MAK: variants seen among roughly 807,000 people sequenced by gnomAD.
MAK encodes the protein serine/threonine-protein kinase MAK.
In MAK, 65 loss-of-function variants were observed where a neutral mutation model predicts 82.6. That is an observed-to-expected ratio of 0.79 (90% CI 0.64 to 0.97). The LOEUF is 0.97. Ranked by LOEUF, MAK falls within the 50% of genes least tolerant of loss-of-function variation. The pLI, the probability that MAK is intolerant of heterozygous loss-of-function variation, is 0.00. For missense variants in MAK, 703 were observed against 780.2 expected (o/e 0.90, Z 1.18); for synonymous variants, 250 against 274.2 (o/e 0.91, Z 0.87).
Position 10,818,892 on chromosome 6 carries a change from TTC to T in MAK, c.148_149del (p.Glu50SerfsTer2). The part of the protein sequence containing the change: ...YSWDECMNLR[E>X]VKSLKKLNHA... ...TTCATCTTTAGGATTTTACCTTAACTTCTCTCAAGTTCATGCATTCATCCCAA... is the reference window on the plus strand; with the variant it reads ...TTCATCTTTAGGATTTTACCTTAACTTCTCAAGTTCATGCATTCATCCCAA... On this transcript the variant is annotated frameshift_variant, in exon 3 of 15. Transcript: ENST00000354489. LOFTEE classifies it high-confidence loss of function. The T allele has an allele frequency of 6.3e-7, 1 of 1,580,492 alleles. No homozygotes were observed. Among genetic ancestry groups the T allele is most frequent in the Non-Finnish European group, 8.7e-7 (1 of 1,150,156 alleles).
In MAK at chr6:10,793,678, C is replaced by T. The variant is rs149827432; in HGVS notation, c.1144-1831G>A. Reference sequence around the variant, plus strand: ...CACCTATATAAAAATGTGTGTGTGGCGGGGCTGGGGGCTAGGTTATTCTCT... The same window carrying T: ...CACCTATATAAAAATGTGTGTGTGGTGGGGCTGGGGGCTAGGTTATTCTCT... On this transcript the variant is annotated intron_variant, in intron 9 of 14. Transcript: ENST00000354489. This position sits in a 1 kb window ranked among gnomAD's most constrained non-coding sequence, Gnocchi z 4.6. 6.7e-3 allele frequency among the ~76,000 whole-genome samples: 1,024 copies of T among 152,000 alleles called. 8 individuals are homozygous for T. Among genetic ancestry groups the T allele is most frequent in the Middle Eastern group, 0.014 (4 of 292 alleles).
chr6:10,792,601 T>A (rs1036394139), intron 9 of MAK, among the ~76,000 whole-genome samples: 2 of 152,130 alleles, frequency 1.3e-5, no homozygotes, highest in African/African-American at 4.8e-5. Flanking sequence ...ACACAATGAA[T>A]TGGTTTTATA....
At chr6:10,787,578 G>A (rs1484908367) in intron 10 of MAK, among the ~76,000 whole-genome samples, 1 of 152,196 alleles carries the variant, frequency 6.6e-6, no homozygotes, top group African/African-American at 2.4e-5. Flanking sequence ...AGAAGAAATG[G>A]CTGGGCGCAG....
At chr6:10,815,944 A>ATATATATG (rs1777464452) in intron 4 of MAK, among the ~76,000 whole-genome samples, 1 of 104,264 alleles carries the variant, frequency 9.6e-6, no homozygotes, top group Non-Finnish European at 2.1e-5. Flanking sequence ...ATATATATAT[A>ATATATATG]TATGTATGTT....
Position 10,830,828 on chromosome 6 carries a change from A to T in MAK, c.-180T>A, listed in dbSNP as rs1778761831. The T allele has an allele frequency of 3.1e-6, 2 of 646,576 alleles. No homozygotes were observed. The highest frequency in any genetic ancestry group is 5.7e-6 in the Non-Finnish European group (2 of 353,108). 40.1% of individuals were successfully genotyped at this position (646,576 alleles called of 1,614,324 possible). On this transcript the variant is annotated 5_prime_UTR_variant, in exon 2 of 15. Coordinates refer to ENST00000354489, the MANE Select transcript of MAK (RefSeq NM_001242957.3). ...AAGATTACAGAGGTTCATGAGATAT[A>T]GCATGAAGGAATCGGGCAAGGAAAC...
intron 14 of MAK, among the ~76,000 whole-genome samples, chr6:10,768,261 G>T (rs1772650984): frequency 6.6e-6 from 1 of 152,050 alleles, no homozygotes; most frequent in South Asian, 2.1e-4. Context: ...GAAACATTAT[G>T]ATTTTCTGCC....
chr6:10,775,481 C>T (rs1267179521), intron 11 of MAK, 22 bp from the exon 12 acceptor site: 6 of 1,610,248 alleles, frequency 3.7e-6, no homozygotes, highest in Non-Finnish European at 4.2e-6. Context: ...AAAACAACCA[C>T]TTCAAAGGTT....
chr6:10,811,830 A>G (rs1776956017), intron 5 of MAK, among the ~76,000 whole-genome samples: 1 of 152,164 alleles, frequency 6.6e-6, no homozygotes, highest in African/African-American at 2.4e-5. Context: ...AAATATTTAT[A>G]TGGAATCCTG....
chr6:10,826,129 C>G (rs1010092009), intron 2 of MAK, among the ~76,000 whole-genome samples: 1 of 152,194 alleles, frequency 6.6e-6, no homozygotes, highest in Non-Finnish European at 1.5e-5. Context: ...GTAATCCACG[C>G]TCCAGCCACC....
chr6:10,822,322 C>T (rs1180745977), intron 2 of MAK, among the ~76,000 whole-genome samples: 6 of 151,688 alleles, frequency 4.0e-5, no homozygotes, highest in African/African-American at 7.3e-5. Flanking sequence ...GGCATGGTGG[C>T]GCATGCCTAT....
chr6:10,770,974 AT>A (rs1350181792), intron 13 of MAK, among the ~76,000 whole-genome samples: 1 of 151,388 alleles, frequency 6.6e-6, no homozygotes, highest in African/African-American at 2.4e-5. Flanking sequence ...AAAGAGGGAA[AT>A]ATAAACTCCT....
At chr6:10,799,712 C>G (rs953406333) in intron 8 of MAK, among the ~76,000 whole-genome samples, 7 of 152,206 alleles carry the variant, frequency 4.6e-5, no homozygotes, top group African/African-American at 1.4e-4. Flanking sequence ...AGGCAGATCA[C>G]CTGAGGTCAG....
intron 14 of MAK, among the ~76,000 whole-genome samples, chr6:10,765,288 T>C (rs969928812): frequency 6.6e-6 from 1 of 152,092 alleles, no homozygotes; most frequent in African/African-American, 2.4e-5. Flanking sequence ...TATCACACTG[T>C]GGTTACATCT....
intron 11 of MAK, among the ~76,000 whole-genome samples, chr6:10,777,105 C>A (rs1275453492): frequency 6.7e-6 from 1 of 150,340 alleles, no homozygotes; most frequent in Non-Finnish European, 1.5e-5. Flanking sequence ...GTGGCAATTA[C>A]TCATATTAAA....
Position 10,764,173 on chromosome 6 carries a change from T to G in MAK, c.*279A>C, listed in dbSNP as rs575950279. ...TAAGGGTTCTTATTGGATTTACTAT[T>G]TATTAAATTGTAGATCAAATACTTC... On this transcript the variant is annotated 3_prime_UTR_variant, in exon 15 of 15. Transcript: ENST00000354489. 9.0e-4 allele frequency: 322 copies of G among 358,736 alleles called. 3 individuals carry two copies. Among genetic ancestry groups the G allele is most frequent in the Admixed American group, 2.0e-3 (45 of 22,714 alleles). 22.2% of individuals were successfully genotyped at this position (358,736 alleles called of 1,614,324 possible).
chr6:10,832,730 C>T (rs550675995), intron 1 of MAK, among the ~76,000 whole-genome samples: 25 of 152,262 alleles, frequency 1.6e-4, no homozygotes, highest in Admixed American at 5.2e-4. Context: ...AACTCCTGAC[C>T]TCAAGTGATC....
intron 10 of MAK, among the ~76,000 whole-genome samples, chr6:10,787,842 CAG>C (rs1472827391): frequency 3.4e-5 from 4 of 117,398 alleles, no homozygotes; most frequent in African/African-American, 1.4e-4. Context: ...GCCTGGGTGA[CAG>C]AGCGAGACTG....
At position 10,833,606 on chromosome 6, in the gene MAK, AAATAATAATAAT is replaced by A. The variant is rs36209814; in HGVS notation, c.-229-2741_-229-2730del. 4.7e-4 allele frequency among the ~76,000 whole-genome samples: 70 copies of A among 147,798 alleles called. No homozygotes were observed. The East Asian group carries it at 6.0e-3, about 13-fold the overall frequency. Reference sequence around the variant, plus strand: ...GGCAACAGTGCGAGACTCTGTCTCAAAATAATAATAATAATAATAATAATAATAATAATAGGG... The same window carrying A: ...GGCAACAGTGCGAGACTCTGTCTCAAAATAATAATAATAATAATAATAGGG... On this transcript the variant is annotated intron_variant, in intron 1 of 14. Transcript: ENST00000354489.
In MAK at chr6:10,838,505, C is replaced by G. The variant is rs1420597711; in HGVS notation, c.-232G>C. On this transcript the variant is annotated splice_region_variant and 5_prime_UTR_variant, in exon 1 of 15. Transcript: ENST00000354489. ...ACCTGTCCGCGCCTGCTGCTTACCT[C>G]GTTCGCTCCCTTGTGAAGCTCCGGC... 1.3e-5 allele frequency: 2 copies of G among 152,438 alleles called. No individual in the cohort carries two copies. Among genetic ancestry groups the G allele is most frequent in the Non-Finnish European group, 2.9e-5 (2 of 68,100 alleles). 9.4% of individuals were successfully genotyped at this position (152,438 alleles called of 1,614,324 possible). A position where few individuals can be genotyped will look rare whatever the true frequency, so the allele number is the denominator to read the frequency against.
Sources: allele counts gnomAD v4.1 joint callset (sites outside exome capture counted in the v4.1 genomes callset), GRCh38; gene constraint gnomAD v4.1.1; non-coding constraint Gnocchi (gnomAD v3.1); transcripts MANE v1.5; gene names NCBI Gene and HGNC (gene_info 2026-07-23, HGNC 2026-07-21).